Variants in CNOT4 observed in about 807,000 individuals in gnomAD.
CNOT4 encodes CCR4-NOT transcription complex subunit 4.
A neutral mutation model predicts 73.8 loss-of-function variants in CNOT4; 8 were observed. The ratio of observed to expected loss-of-function variants is 0.11; its 90% CI spans 0.06 to 0.20. The LOEUF is 0.20. Ranked by LOEUF, CNOT4 falls within the 10% of genes least tolerant of loss-of-function variation. The pLI is 1.00. For missense variants in CNOT4, 564 were observed against 883.4 expected, an observed-to-expected ratio of 0.64 and a Z score of 4.58; for synonymous variants, 293 against 321.1, an observed-to-expected ratio of 0.91 and a Z score of 0.94.
intron 2 of CNOT4, 24 bp downstream of exon 2, chr7:135,438,134 G>T (rs749012838): frequency 3.7e-6 from 5 of 1,359,578 alleles, no homozygotes; most frequent in Middle Eastern, 1.8e-4. Flanking sequence ...ACAAATCACT[G>T]TGAAGTTATT....
At chr7:135,381,301 T>C (rs532371390) in intron 10 of CNOT4, among the ~76,000 whole-genome samples, 33 of 152,296 alleles carry the variant, frequency 2.2e-4, no homozygotes, top group African/African-American at 7.2e-4. Context: ...CACATGCATA[T>C]AGAGGGCTAG....
intron 1 of CNOT4, among the ~76,000 whole-genome samples, chr7:135,501,755 C>T (rs1288387961): frequency 1.3e-5 from 2 of 152,198 alleles, no homozygotes; most frequent in Non-Finnish European, 2.9e-5. Flanking sequence ...TGCCACCATT[C>T]CCAGTAATTA....
intron 2 of CNOT4, among the ~76,000 whole-genome samples, chr7:135,434,429 T>G (rs1799032271): frequency 6.6e-6 from 1 of 152,214 alleles, no homozygotes; most frequent in Admixed American, 6.5e-5. Flanking sequence ...GAGATGTGAT[T>G]AAGTCAACAA....
intron 8 of CNOT4, among the ~76,000 whole-genome samples, chr7:135,397,175 A>G (rs2129483504): frequency 6.6e-6 from 1 of 152,274 alleles, no homozygotes; most frequent in East Asian, 1.9e-4. Flanking sequence ...TAATAACAGA[A>G]AGAGAAAAAT....
chr7:135,445,644 T>C (rs1204465425), intron 1 of CNOT4, among the ~76,000 whole-genome samples: 1 of 152,160 alleles, frequency 6.6e-6, no homozygotes, highest in Non-Finnish European at 1.5e-5. Flanking sequence ...AATATAAAAC[T>C]ATAAGTAATA....
chr7:135,420,874 A>C (rs1798151507), intron 3 of CNOT4, among the ~76,000 whole-genome samples: 1 of 152,120 alleles, frequency 6.6e-6, no homozygotes, highest in African/African-American at 2.4e-5. Flanking sequence ...AAGGTGAGTC[A>C]TACACCTAAA....
chr7:135,447,127 T>A (rs550090824), intron 1 of CNOT4, among the ~76,000 whole-genome samples: 1 of 113,216 alleles, frequency 8.8e-6, no homozygotes, highest in South Asian at 2.9e-4. Flanking sequence ...GTTATATGTC[T>A]GTTATAAATG....
At chr7:135,401,462 A>G in intron 7 of CNOT4, among the ~76,000 whole-genome samples, 1 of 152,194 alleles carries the variant, frequency 6.6e-6, no homozygotes, top group East Asian at 1.9e-4. Flanking sequence ...TTTTATTTAA[A>G]AACAAACAAA....
chr7:135,442,442 C>CA (rs1250193252), intron 1 of CNOT4, among the ~76,000 whole-genome samples: 3 of 151,658 alleles, frequency 2.0e-5, no homozygotes, highest in African/African-American at 7.3e-5. Context: ...ACTAAAAATA[C>CA]AAAAAAATTA....
chr7:135,390,358 C>G (rs1203994059), intron 10 of CNOT4, among the ~76,000 whole-genome samples: 1 of 151,878 alleles, frequency 6.6e-6, no homozygotes, highest in Non-Finnish European at 1.5e-5. Context: ...TTTGCTATTC[C>G]TAAAATGAAG....
intron 7 of CNOT4, among the ~76,000 whole-genome samples, chr7:135,406,506 G>A (rs960184012): frequency 6.6e-6 from 1 of 151,700 alleles, no homozygotes; most frequent in African/African-American, 2.4e-5. Flanking sequence ...CAAAAAAAAA[G>A]AAAAATTAAC....
In CNOT4 at chr7:135,415,219, T is replaced by C; in HGVS notation, c.416A>G (p.His139Arg). Residue 139 changes from histidine (H) to arginine (R), a missense_variant, in exon 4 of 12, where the codon CAT (histidine) becomes CGT (arginine). Transcript: ENST00000541284. ...PEYFGKFGKIHKVVINNSTSY... is the reference protein window; with the variant it reads ...PEYFGKFGKIRKVVINNSTSY... The stretch of plus-strand genomic sequence containing the variant: ...TGTGCTATTATTGATGACAACTTTA[T>C]GTATTTTACCAAACTTCCCAAAATA... 1.9e-6 allele frequency: 3 copies of C among 1,604,366 alleles called. No homozygotes were observed. Among genetic ancestry groups the C allele is most frequent in the Non-Finnish European group, 1.7e-6 (2 of 1,171,402 alleles).
chr7:135,408,739 G>A lies in CNOT4; in HGVS notation c.821+1776C>T, dbSNP rs556592706. 5.3e-5 allele frequency among the ~76,000 whole-genome samples: 8 copies of A among 152,246 alleles called. No individual in the cohort carries two copies. In the South Asian group the frequency reaches 1.7e-3, roughly 32 times the overall value. On this transcript the variant is annotated intron_variant, in intron 7 of 11. Coordinates refer to ENST00000541284, the MANE Select transcript of CNOT4 (RefSeq NM_001190850.2). ...TGGGAGGAAACCAGAGTGCCCAGAG[G>A]AAATCCACGCAGACATGGGGAGAAC...
chr7:135,486,167 A>G (rs1465007358), intron 1 of CNOT4, among the ~76,000 whole-genome samples: 1 of 152,230 alleles, frequency 6.6e-6, no homozygotes, highest in Admixed American at 6.5e-5. Context: ...GAAAGAGAAG[A>G]AAATGAGATA....
intron 1 of CNOT4, among the ~76,000 whole-genome samples, chr7:135,492,243 T>A (rs549726166): frequency 6.6e-6 from 1 of 152,270 alleles, no homozygotes; most frequent in Admixed American, 6.5e-5. Context: ...TGAGGTTTCT[T>A]ACCATGAATT....
chr7:135,442,647 A>T (rs989502181), intron 1 of CNOT4, among the ~76,000 whole-genome samples: 1 of 152,220 alleles, frequency 6.6e-6, no homozygotes, highest in Non-Finnish European at 1.5e-5. Context: ...TCAAATAATA[A>T]GATTTAAAAT....
rs562352563 is a variant in CNOT4, at chr7:135,414,007, C to T, written c.561+324G>A. Among the ~76,000 whole-genome samples the T allele has an allele frequency of 3.7e-4, 56 of 152,090 alleles. No homozygotes were observed. In the Middle Eastern group the frequency reaches 0.014, roughly 37 times the overall value. ...TGCTTAGTGGGACTCTTCACTGAAA[C>T]TGGAATCAATGTCCATATATTTAAG... On this transcript the variant is annotated intron_variant, in intron 5 of 11. Transcript: ENST00000541284.
chr7:135,428,527 AG>A (rs1798638585), intron 2 of CNOT4, among the ~76,000 whole-genome samples: 3 of 152,318 alleles, frequency 2.0e-5, no homozygotes, highest in African/African-American at 7.2e-5. Context: ...GAAAAAAAAG[AG>A]CAAACATTAC....
intron 7 of CNOT4, among the ~76,000 whole-genome samples, chr7:135,406,440 G>A (rs1002791472): frequency 6.6e-6 from 1 of 151,652 alleles, no homozygotes; most frequent in Non-Finnish European, 1.5e-5. Context: ...CAGGCGAATC[G>A]CTTGAGCCCA....
Sources: gnomAD v4.1 joint callset for allele counts (sites outside exome capture counted in the v4.1 genomes callset) on GRCh38, gnomAD v4.1.1 for gene constraint, MANE v1.5 for transcripts, NCBI Gene and HGNC (gene_info 2026-07-23, HGNC 2026-07-21) for gene names.